PEX5: variants seen among roughly 807,000 people sequenced by gnomAD.
PEX5 encodes the protein PTS1 receptor.
PEX5 carries 52 observed loss-of-function variants against 82.9 expected under a neutral mutation model. That is an observed-to-expected ratio of 0.63 (90% confidence interval 0.50 to 0.79). The LOEUF is 0.79. Ranked by LOEUF, PEX5 falls within the 30% of genes least tolerant of loss-of-function variation. The pLI is 0.00. For synonymous variants in PEX5, 300 were observed against 318.8 expected (o/e 0.94, Z 0.63); for missense variants, 719 against 815.2 (o/e 0.88, Z 1.44).
intron 9 of PEX5, among the ~76,000 whole-genome samples, chr12:7,203,139 C>T (rs1421849285): frequency 8.8e-6 from 1 of 113,624 alleles, no homozygotes; most frequent in Non-Finnish European, 2.0e-5. Context: ...GCCTGGGCAA[C>T]GAGAGTGAAA....
intron 14 of PEX5, 103 bp from the exon 15 acceptor site, chr12:7,209,580 A>G: frequency 4.1e-6 from 5 of 1,223,190 alleles, no homozygotes; most frequent in Non-Finnish European, 6.0e-6. Context: ...AGAGTAGTGA[A>G]ACAGCTGGAG....
chr12:7,189,877 G>A lies in PEX5; in HGVS notation c.-17+127G>A. The A allele has an allele frequency of 3.6e-6, 5 of 1,372,290 alleles. No individual in the cohort carries two copies. In the South Asian group the frequency reaches 6.8e-5, roughly 19 times the overall value. The allele number at this position is 1,372,290 out of a possible 1,614,324, so 85.0% of individuals were successfully genotyped here. On this transcript the variant is annotated intron_variant, in intron 1 of 15. Transcript: ENST00000675855. ...GGGCCGGGGAGATGGGCGGTGGGGA[G>A]CGCGGGAGGGACCGGGCCGAGCCGG...
chr12:7,213,591 A>G (rs1945688574), downstream of PEX5, among the ~76,000 whole-genome samples: 1 of 150,170 alleles, frequency 6.7e-6, no homozygotes, highest in South Asian at 2.1e-4. Flanking sequence ...TGGATTAAAG[A>G]CTTACATGTT....
intron 5 of PEX5, among the ~76,000 whole-genome samples, chr12:7,196,426 T>C (rs2135986232): frequency 7.1e-6 from 1 of 140,256 alleles, no homozygotes; most frequent in African/African-American, 2.5e-5. Context: ...GTAATAATTA[T>C]ATGTGCCATA....
intron 1 of PEX5, 189 bp downstream of exon 1, chr12:7,189,939 C>A: frequency 6.7e-7 from 1 of 1,483,862 alleles, no homozygotes; most frequent in Non-Finnish European, 8.8e-7. Flanking sequence ...AGGGAATGCT[C>A]CTCTGCCGTG....
At chr12:7,204,941 G>A (rs763902383) in intron 10 of PEX5, among the ~76,000 whole-genome samples, 1 of 151,944 alleles carries the variant, frequency 6.6e-6, no homozygotes, top group Admixed American at 6.6e-5. Context: ...TAGTCTTTTC[G>A]ATAAATGGTA....
At chr12:7,208,201 C>A in intron 12 of PEX5, 121 bp downstream of exon 12, 1 of 816,492 alleles carries the variant, frequency 1.2e-6, no homozygotes, top group Non-Finnish European at 2.1e-6. Context: ...AGTGTTTTCT[C>A]ATGCTGAAAC....
chr12:7,208,922 T>C (rs370292608), intron 13 of PEX5, 83 bp from the exon 14 acceptor site: 1 of 1,231,762 alleles, frequency 8.1e-7, no homozygotes, highest in Non-Finnish European at 1.2e-6. Context: ...GGGGATATGG[T>C]TGATCAATGA....
intron 5 of PEX5, among the ~76,000 whole-genome samples, chr12:7,193,106 C>G (rs1360243882): frequency 1.3e-5 from 2 of 152,134 alleles, no homozygotes; most frequent in Non-Finnish European, 2.9e-5. Context: ...AACAGTAACA[C>G]AAGGTGGATA....
At chr12:7,196,320 A>T (rs1405514286) in intron 5 of PEX5, among the ~76,000 whole-genome samples, 6 of 129,358 alleles carry the variant, frequency 4.6e-5, no homozygotes, top group Admixed American at 8.7e-5. Flanking sequence ...ATTTAATTAT[A>T]TATGTCATAA....
Position 7,190,397 on chromosome 12 carries a change from T to A in PEX5, c.20T>A (p.Val7Glu). The change falls in exon 2 of 16, where the codon GTG becomes GAG. Residue 7 changes from valine to glutamate, a missense_variant. By Grantham distance (121) the Val-to-Glu change is moderately radical. Transcript: ENST00000675855. Reference sequence around the variant, plus strand: ...GTCACCATGGCAATGCGGGAGCTGGTGGAGGCCGAATGCGGGGGTGCCAAC... The same window carrying A: ...GTCACCATGGCAATGCGGGAGCTGGAGGAGGCCGAATGCGGGGGTGCCAAC... MAMREL[V>E]EAECGGANPL... is the part of the protein sequence containing the mutation. 1.9e-6 allele frequency: 3 copies of A among 1,614,202 alleles called. No individual in the cohort carries two copies. The highest frequency in any genetic ancestry group is 2.5e-6 in the Non-Finnish European group (3 of 1,180,032).
At chr12:7,189,180 G>A (rs1940431517), upstream of PEX5, 1 of 151,954 alleles carries the variant, frequency 6.6e-6, no homozygotes, top group Non-Finnish European at 1.5e-5. Flanking sequence ...CCCCGCTAGG[G>A]GTTATTTGGA....
chr12:7,188,734 T>G (rs1367312820), upstream of PEX5: 1 of 152,528 alleles, frequency 6.6e-6, no homozygotes, highest in Non-Finnish European at 1.5e-5. Flanking sequence ...ATTATTGCCC[T>G]TGGTCATTTA....
chr12:7,199,417 T>C (rs1375435542), intron 6 of PEX5, among the ~76,000 whole-genome samples: 1 of 148,478 alleles, frequency 6.7e-6, no homozygotes, highest in Non-Finnish European at 1.5e-5. Context: ...TTAAAGAGCA[T>C]GCTGCCTTCA....
intron 5 of PEX5, among the ~76,000 whole-genome samples, chr12:7,192,191 A>T (rs1941267131): frequency 6.6e-6 from 1 of 152,218 alleles, no homozygotes; most frequent in African/African-American, 2.4e-5. Flanking sequence ...GCCTTGTGTT[A>T]CATGCTTTGA....
chr12:7,214,165 T>C (rs1012245172), downstream of PEX5, among the ~76,000 whole-genome samples: 49 of 152,266 alleles, frequency 3.2e-4, no homozygotes, highest in African/African-American at 1.1e-3. Flanking sequence ...GTCAGTGTGG[T>C]GATTCCTCAG....
In PEX5 at chr12:7,191,563, T is replaced by C. The variant is rs755945291; in HGVS notation, c.317-6T>C. On this transcript the variant is annotated splice_polypyrimidine_tract_variant and splice_region_variant and intron_variant, in intron 4 of 15. Coordinates refer to ENST00000675855, the MANE Select transcript of PEX5 (RefSeq NM_001351132.2). ...CTTTCTTAGTTTTCTCTCTCTCTCT[T>C]TTAAGCCCCTGGTGTGGCAGACTTG... is the stretch of plus-strand genomic sequence containing the variant. The C allele has an allele frequency of 4.0e-5, 64 of 1,613,884 alleles. No individual in the cohort carries two copies. The highest frequency in any genetic ancestry group is 5.2e-5 in the Non-Finnish European group (61 of 1,179,940).
chr12:7,208,430 C>T (rs1375585379), intron 12 of PEX5, 27 bp from the exon 13 acceptor site: 1 of 1,556,814 alleles, frequency 6.4e-7, no homozygotes, highest in African/African-American at 1.4e-5. Context: ...TTGCAGATAT[C>T]AAGTCTGCCC....
downstream of PEX5, among the ~76,000 whole-genome samples, chr12:7,212,304 T>C (rs763826081): frequency 2.0e-4 from 30 of 151,862 alleles, no homozygotes; most frequent in Non-Finnish European, 4.3e-4. Context: ...AAAAAGTTTT[T>C]CAAATAGAGA....
Sources: allele counts gnomAD v4.1 joint callset (sites outside exome capture counted in the v4.1 genomes callset), GRCh38; gene constraint gnomAD v4.1.1; transcripts MANE v1.5; gene names NCBI Gene and HGNC (gene_info 2026-07-23, HGNC 2026-07-21).